DNER: variants seen among roughly 807,000 people sequenced by gnomAD.
The protein encoded by DNER is delta/notch like EGF repeat containing.
DNER carries 33 observed loss-of-function variants against 78.2 expected under a neutral mutation model. That is an observed-to-expected ratio of 0.42 (90% CI 0.32 to 0.56). DNER has a LOEUF of 0.56. Among genes scored for constraint, DNER ranks in the 20% least tolerant of loss-of-function variants. The probability of loss-of-function intolerance (pLI) is 0.11; values close to 1 mark genes in which losing one functional copy is unlikely to be tolerated. For synonymous variants in DNER, 417 were observed against 384.8 expected, an observed-to-expected ratio of 1.08 and a Z score of -0.98; for missense variants, 918 against 975.3, an observed-to-expected ratio of 0.94 and a Z score of 0.78.
At chr2:229,707,704 G>A (rs527264889) in intron 1 of DNER, among the ~76,000 whole-genome samples, 2 of 152,350 alleles carry the variant, frequency 1.3e-5, no homozygotes, top group African/African-American at 4.8e-5. Flanking sequence ...ACTGCTCTAA[G>A]ATGCACATGG....
chr2:229,624,674 T>A (rs1460356727), intron 1 of DNER, among the ~76,000 whole-genome samples: 1 of 152,228 alleles, frequency 6.6e-6, no homozygotes, highest in Non-Finnish European at 1.5e-5. Flanking sequence ...TACGTTTGCC[T>A]GCATGCAATC....
intron 7 of DNER, among the ~76,000 whole-genome samples, chr2:229,455,008 C>T (rs1559356203): frequency 1.3e-5 from 2 of 152,090 alleles, no homozygotes; most frequent in Non-Finnish European, 2.9e-5. Flanking sequence ...AGATAATTTT[C>T]CTGGCTCACA....
At position 229,664,009 on chromosome 2, in the gene DNER, C is replaced by T. The variant is rs573105086; in HGVS notation, c.276+50139G>A. On this transcript the variant is annotated intron_variant, in intron 1 of 12. Transcript: ENST00000341772. The stretch of plus-strand genomic sequence containing the variant: ...GGATGAATCTGACATTCCAAAAAGG[C>T]CTTGAAATTAACTAACCTGGTCCAA... Among the ~76,000 whole-genome samples the T allele has an allele frequency of 2.0e-5, 3 of 152,238 alleles. No individual in the cohort carries two copies. In the South Asian group the frequency reaches 6.2e-4, roughly 32 times the overall value.
At chr2:229,674,736 C>G (rs1193655791) in intron 1 of DNER, among the ~76,000 whole-genome samples, 1 of 152,222 alleles carries the variant, frequency 6.6e-6, no homozygotes, top group Non-Finnish European at 1.5e-5. Flanking sequence ...TGGCTGGATT[C>G]AGGGGTGAGG....
chr2:229,689,476 C>T (rs1380729116), intron 1 of DNER, among the ~76,000 whole-genome samples: 1 of 152,160 alleles, frequency 6.6e-6, no homozygotes, highest in Non-Finnish European at 1.5e-5. Context: ...AGAGCATTCA[C>T]ATCAGCATAC....
chr2:229,475,349 C>T (rs1695010300), intron 7 of DNER, among the ~76,000 whole-genome samples: 1 of 152,218 alleles, frequency 6.6e-6, no homozygotes, highest in African/African-American at 2.4e-5. Flanking sequence ...CCTGCTTCCA[C>T]CTGCTGTCAC....
intron 1 of DNER, among the ~76,000 whole-genome samples, chr2:229,597,646 T>G (rs1697746677): frequency 2.0e-5 from 3 of 152,202 alleles, no homozygotes; most frequent in Admixed American, 6.5e-5. Context: ...GGAAAAATGA[T>G]TAAGCCTTTG....
At chr2:229,679,483 C>T (rs895259209) in intron 1 of DNER, among the ~76,000 whole-genome samples, 1 of 152,082 alleles carries the variant, frequency 6.6e-6, no homozygotes, top group Non-Finnish European at 1.5e-5. Context: ...ACTACCCTGT[C>T]CTATTCCTTT....
chr2:229,619,439 C>T (rs760432176), intron 1 of DNER, among the ~76,000 whole-genome samples: 8 of 151,998 alleles, frequency 5.3e-5, no homozygotes, highest in Non-Finnish European at 8.8e-5. Flanking sequence ...AGACATCTGG[C>T]TTGGAAAGAA....
intron 1 of DNER, among the ~76,000 whole-genome samples, chr2:229,696,376 A>T (rs1217536859): frequency 4.6e-5 from 7 of 152,182 alleles, no homozygotes; most frequent in Non-Finnish European, 1.0e-4. Context: ...AGGTCCTAGG[A>T]GGAGGAAACT....
rs116572482 is a variant in DNER, at chr2:229,635,005, T to G, written c.277-43117A>C. Among the ~76,000 whole-genome samples the G allele has an allele frequency of 8.3e-3, 1,272 of 152,350 alleles. 14 individuals carry two copies. The highest frequency in any genetic ancestry group is 0.029 in the African/African-American group (1,202 of 41,588). ...ACAGCTTGACTGTCAGTTTTTCATC[T>G]CAAGCTCCAGTGAGGCTGGTAGCAG... On this transcript the variant is annotated intron_variant, in intron 1 of 12. Coordinates refer to ENST00000341772, the MANE Select transcript of DNER (RefSeq NM_139072.4).
At chr2:229,630,579 A>C (rs1698418162) in intron 1 of DNER, among the ~76,000 whole-genome samples, 1 of 151,694 alleles carries the variant, frequency 6.6e-6, no homozygotes, top group African/African-American at 2.4e-5. Flanking sequence ...CAGGGATCGC[A>C]AGCTAATATA....
chr2:229,497,042 T>C (rs943613327), intron 6 of DNER, among the ~76,000 whole-genome samples: 4 of 152,138 alleles, frequency 2.6e-5, no homozygotes, highest in African/African-American at 7.2e-5. Context: ...GAACAAATCA[T>C]ATGTTAGGCC....
chr2:229,643,641 T>C (rs2154216080), intron 1 of DNER, among the ~76,000 whole-genome samples: 2 of 152,330 alleles, frequency 1.3e-5, no homozygotes, highest in South Asian at 4.1e-4. Context: ...ATCATGATAG[T>C]AACAATGCCT....
chr2:229,677,942 G>A (rs1366908467), intron 1 of DNER, among the ~76,000 whole-genome samples: 1 of 152,134 alleles, frequency 6.6e-6, no homozygotes, highest in East Asian at 1.9e-4. Flanking sequence ...TTATTTAACT[G>A]ATGGTCATTG....
At chr2:229,455,198 C>T (rs1412142320) in intron 7 of DNER, among the ~76,000 whole-genome samples, 3 of 152,072 alleles carry the variant, frequency 2.0e-5, no homozygotes, top group African/African-American at 4.8e-5. Flanking sequence ...CTCTAAGTGA[C>T]CTTCCTAAGA....
chr2:229,481,157 G>T (rs375276216), intron 6 of DNER, among the ~76,000 whole-genome samples: 2 of 152,324 alleles, frequency 1.3e-5, no homozygotes, highest in South Asian at 2.1e-4. Flanking sequence ...GGGCCCTTTG[G>T]CAGGACAGTT....
chr2:229,374,582 G>T (rs1000917535), intron 11 of DNER, among the ~76,000 whole-genome samples: 1 of 152,086 alleles, frequency 6.6e-6, no homozygotes, highest in Admixed American at 6.6e-5. Flanking sequence ...ATGCTTTGAG[G>T]TAGACACTAT....
intron 7 of DNER, among the ~76,000 whole-genome samples, chr2:229,463,708 G>A (rs1486322919): frequency 6.6e-6 from 1 of 152,174 alleles, no homozygotes; most frequent in Non-Finnish European, 1.5e-5. Flanking sequence ...CCAGAGTGCT[G>A]AGATCACAGG....
Sources: allele counts gnomAD v4.1 joint callset (sites outside exome capture counted in the v4.1 genomes callset), GRCh38; gene constraint gnomAD v4.1.1; transcripts MANE v1.5; gene names NCBI Gene and HGNC (gene_info 2026-07-23, HGNC 2026-07-21).